Variants in ELP4 observed in about 807,000 individuals in gnomAD.
The protein encoded by ELP4 is elongator acetyltransferase complex subunit 4, also known as elongator complex protein 4.
ELP4 carries 51 observed loss-of-function variants against 48.9 expected under a neutral mutation model. The ratio of observed to expected loss-of-function variants is 1.04; its 90% CI spans 0.83 to 1.32. ELP4 has a LOEUF of 1.32. ELP4 is among the 40% of genes most tolerant of loss of function. The probability of loss-of-function intolerance (pLI) is 0.00; values close to 1 mark genes in which losing one functional copy is unlikely to be tolerated. For missense variants in ELP4, 519 were observed against 514.6 expected (o/e 1.01, Z -0.08); for synonymous variants, 210 against 189.2 (o/e 1.11, Z -0.90).
Position 31,627,172 on chromosome 11 carries a change from G to A in ELP4, c.716G>A (p.Gly239Glu), listed in dbSNP as rs1485576444. ...QFIQNIIYEE[G>E]FDGSNPQKKQ... ...ATCCAGAACATCATTTATGAGGAAG[G>A]ATTTGATGGATCCAATCCTCAGGTA... is the stretch of plus-strand genomic sequence containing the variant. The change falls in exon 6 of 10, where the codon GGA becomes GAA. Residue 239 changes from glycine to glutamate, a missense_variant. Transcript: ENST00000640961. The A allele has an allele frequency of 1.3e-6, 2 of 1,545,934 alleles. No individual in the cohort carries two copies. The highest frequency in any genetic ancestry group is 1.8e-5 in the Admixed American group (1 of 56,408).
At chr11:31,523,881 G>A (rs1185901318) in intron 2 of ELP4, among the ~76,000 whole-genome samples, 1 of 152,008 alleles carries the variant, frequency 6.6e-6, no homozygotes, top group African/African-American at 2.4e-5. Context: ...CACCTTAAAA[G>A]TTTCAAAAGT....
chr11:31,759,186 C>T (rs1005389327), intron 9 of ELP4, among the ~76,000 whole-genome samples: 3 of 152,106 alleles, frequency 2.0e-5, no homozygotes, highest in Non-Finnish European at 4.4e-5. Flanking sequence ...CCACATAATG[C>T]GTTAATCATC....
chr11:31,663,555 T>C (rs1265207203), intron 9 of ELP4: 1 of 152,024 alleles, frequency 6.6e-6, no homozygotes, highest in Non-Finnish European at 1.5e-5. Flanking sequence ...AAGGATATAT[T>C]GATTTTATTA....
intron 9 of ELP4, among the ~76,000 whole-genome samples, chr11:31,664,957 T>C (rs1325827707): frequency 6.6e-6 from 1 of 152,196 alleles, no homozygotes; most frequent in Admixed American, 6.5e-5. Flanking sequence ...AGCTGTAGTA[T>C]GCATCTCAAT....
At chr11:31,623,878 A>C (rs1944682357) in intron 5 of ELP4, among the ~76,000 whole-genome samples, 1 of 151,410 alleles carries the variant, frequency 6.6e-6, no homozygotes, top group African/African-American at 2.4e-5. Flanking sequence ...AAAACAAATA[A>C]CTCAATTAAA....
At position 31,545,206 on chromosome 11, in the gene ELP4, A is replaced by C. The variant is rs563625322; in HGVS notation, c.381+5423A>C. Among the ~76,000 whole-genome samples the C allele has an allele frequency of 1.9e-3, 287 of 152,336 alleles. 1 individual carries two copies. The highest frequency in any genetic ancestry group is 6.5e-3 in the African/African-American group (270 of 41,570). On this transcript the variant is annotated intron_variant, in intron 3 of 9. Coordinates refer to ENST00000640961, the MANE Select transcript of ELP4 (RefSeq NM_019040.5). ...ACTACGAGCTACAGGAGGAAATTCA[A>C]ACCAAAGGCAAAGAAGTTAAAAACT... is the stretch of plus-strand genomic sequence containing the variant.
At chr11:31,585,169 TAG>T (rs1241305711) in intron 3 of ELP4, among the ~76,000 whole-genome samples, 1 of 152,152 alleles carries the variant, frequency 6.6e-6, no homozygotes, top group Non-Finnish European at 1.5e-5. Flanking sequence ...CATAAATGTA[TAG>T]AGTTTGTCAT....
At chr11:31,716,010 G>A (rs896636012) in intron 9 of ELP4, among the ~76,000 whole-genome samples, 3 of 151,452 alleles carry the variant, frequency 2.0e-5, no homozygotes, top group Non-Finnish European at 2.9e-5. Context: ...GTACAAGGAG[G>A]TTTGTTTGTT....
chr11:31,728,714 G>A (rs1180416944), intron 9 of ELP4, among the ~76,000 whole-genome samples: 4 of 152,116 alleles, frequency 2.6e-5, no homozygotes, highest in Non-Finnish European at 5.9e-5. Context: ...CTGGATTAAT[G>A]ATGTAGATCA....
intron 2 of ELP4, among the ~76,000 whole-genome samples, chr11:31,530,333 C>A (rs999672382): frequency 6.6e-6 from 1 of 152,102 alleles, no homozygotes; most frequent in African/African-American, 2.4e-5. Flanking sequence ...TACATAAAAT[C>A]ATTTCATATG....
chr11:31,569,500 C>G (rs1267101560), intron 3 of ELP4, among the ~76,000 whole-genome samples: 1 of 152,102 alleles, frequency 6.6e-6, no homozygotes. Flanking sequence ...CCTGTAAACC[C>G]AGCACTTTGG....
At chr11:31,667,198 A>G (rs942172028) in intron 9 of ELP4, among the ~76,000 whole-genome samples, 1 of 152,226 alleles carries the variant, frequency 6.6e-6, no homozygotes, top group Non-Finnish European at 1.5e-5. Context: ...AGGTTGGCCC[A>G]TAGAGTCTGT....
chr11:31,733,406 G>A (rs1475319321), intron 9 of ELP4, among the ~76,000 whole-genome samples: 1 of 150,734 alleles, frequency 6.6e-6, no homozygotes, highest in East Asian at 1.9e-4. Context: ...AAACCTGGAA[G>A]GTGGAGGTTG....
At chr11:31,737,961 C>A (rs542966623) in intron 9 of ELP4, among the ~76,000 whole-genome samples, 3 of 152,160 alleles carry the variant, frequency 2.0e-5, no homozygotes, top group Admixed American at 2.0e-4. Flanking sequence ...GAATTGAAAC[C>A]AGGATCTTGA....
chr11:31,530,080 G>C (rs1038365788), intron 2 of ELP4, among the ~76,000 whole-genome samples: 1 of 152,160 alleles, frequency 6.6e-6, no homozygotes, highest in Non-Finnish European at 1.5e-5. Flanking sequence ...GTAGGAAGAG[G>C]TATCTTAGAA....
At chr11:31,598,841 G>A (rs1487177207) in intron 4 of ELP4, 1 of 152,010 alleles carries the variant, frequency 6.6e-6, no homozygotes, top group African/African-American at 2.4e-5. Flanking sequence ...TTTAAAGCTT[G>A]AATGTTTTGA....
intron 7 of ELP4, among the ~76,000 whole-genome samples, chr11:31,643,128 C>T (rs1945132633): frequency 6.6e-6 from 1 of 151,776 alleles, no homozygotes; most frequent in Admixed American, 6.6e-5. Context: ...CCCGCTCTCT[C>T]CCAACACACA....
chr11:31,565,718 G>T (rs1957099981), intron 3 of ELP4, among the ~76,000 whole-genome samples: 1 of 151,392 alleles, frequency 6.6e-6, no homozygotes, highest in African/African-American at 2.4e-5. Flanking sequence ...GCTCTGTTCT[G>T]TTCCATTGGT....
At chr11:31,568,231 G>C (rs1028346361) in intron 3 of ELP4, among the ~76,000 whole-genome samples, 1 of 152,222 alleles carries the variant, frequency 6.6e-6, no homozygotes, top group South Asian at 2.1e-4. Flanking sequence ...AAATACTTAG[G>C]AATACGGCTA....
Sources: allele counts gnomAD v4.1 joint callset (sites outside exome capture counted in the v4.1 genomes callset), GRCh38; gene constraint gnomAD v4.1.1; transcripts MANE v1.5; gene names NCBI Gene and HGNC (gene_info 2026-07-23, HGNC 2026-07-21).